Variants in RBFOX3 observed in about 807,000 individuals in gnomAD.
The protein encoded by RBFOX3 is RNA binding fox-1 homolog 3.
A neutral mutation model predicts 48.7 loss-of-function variants in RBFOX3; 17 were observed. The observed-to-expected ratio is 0.35, with a 90% CI of 0.24 to 0.52. The LOEUF is 0.52. Ranked by LOEUF, RBFOX3 falls within the 20% of genes least tolerant of loss-of-function variation. The pLI is 0.94. For missense variants in RBFOX3, 382 were observed against 497.5 expected (o/e 0.77, Z 2.21); for synonymous variants, 212 against 209.5 (o/e 1.01, Z -0.10).
chr17:79,553,634 T>C (rs1235838749), intron 1 of RBFOX3, among the ~76,000 whole-genome samples: 1 of 152,198 alleles, frequency 6.6e-6, no homozygotes, highest in Non-Finnish European at 1.5e-5. Flanking sequence ...CTTTCTATCT[T>C]CCATACAAAT....
the RBFOX3 span, among the ~76,000 whole-genome samples, chr17:79,644,716 C>A: frequency 6.6e-6 from 1 of 152,126 alleles, no homozygotes; most frequent in African/African-American, 2.4e-5. Context: ...TTAAATATCT[C>A]AGGAAGAAAT....
chr17:79,471,615 C>G lies in RBFOX3; in HGVS notation c.-175+10839G>C, dbSNP rs1265746329. Reference sequence around the variant, plus strand: ...CATAAACAAGGAAGGCGCACACACACCTGTCACCTCTCCGTGGACTGCAGT... The same window carrying G: ...CATAAACAAGGAAGGCGCACACACAGCTGTCACCTCTCCGTGGACTGCAGT... On this transcript the variant is annotated intron_variant, in intron 2 of 14. Coordinates refer to ENST00000693108, the MANE Select transcript of RBFOX3 (RefSeq NM_001350451.2). The surrounding 1 kb of genome is among the most constrained non-coding windows in gnomAD (Gnocchi z 4.0). Among the ~76,000 whole-genome samples, 1 of 152,188 alleles carries G rather than the reference C, an allele frequency of 6.6e-6. No individual in the cohort carries two copies. Among genetic ancestry groups the G allele is most frequent in the Admixed American group, 6.5e-5 (1 of 15,284 alleles).
intron 1 of RBFOX3, among the ~76,000 whole-genome samples, chr17:79,527,958 G>A (rs966025171): frequency 1.3e-5 from 2 of 152,174 alleles, no homozygotes; most frequent in Non-Finnish European, 2.9e-5. Context: ...GGCTTGCTGT[G>A]GATTGAATTG....
intron 1 of RBFOX3, among the ~76,000 whole-genome samples, chr17:79,594,115 A>G (rs1443379909): frequency 2.6e-5 from 4 of 152,106 alleles, no homozygotes; most frequent in African/African-American, 9.7e-5. Context: ...ACATTGATTA[A>G]GCGCCTACTC....
chr17:79,558,838 C>A (rs2091971973), intron 1 of RBFOX3, among the ~76,000 whole-genome samples: 1 of 152,076 alleles, frequency 6.6e-6, no homozygotes, highest in South Asian at 2.1e-4. Flanking sequence ...GGGGGGTGTG[C>A]CAGGGGATGC....
chr17:79,507,661 A>C (rs2083368979), intron 1 of RBFOX3, among the ~76,000 whole-genome samples: 1 of 152,186 alleles, frequency 6.6e-6, no homozygotes, highest in East Asian at 1.9e-4. Context: ...TGCCACTCAG[A>C]GACATTGGCC....
intron 6 of RBFOX3, among the ~76,000 whole-genome samples, chr17:79,105,924 C>G (rs533111561): frequency 4.7e-4 from 72 of 152,316 alleles, no homozygotes; most frequent in African/African-American, 1.6e-3. Context: ...GCAGCCCCAG[C>G]CCCCTGCAGG....
At chr17:79,104,154 G>A in intron 6 of RBFOX3, 28 bp from the exon 7 acceptor site, 3 of 1,541,434 alleles carry the variant, frequency 1.9e-6, no homozygotes, top group Non-Finnish European at 2.6e-6. Flanking sequence ...AAGAGGGAGT[G>A]GGGCAGACAG....
At chr17:79,461,471 C>A (rs4638621) in intron 2 of RBFOX3, among the ~76,000 whole-genome samples, 2 of 152,202 alleles carry the variant, frequency 1.3e-5, no homozygotes, top group African/African-American at 2.4e-5. Context: ...TGAACTCCAA[C>A]AGCATTTGTA....
chr17:79,183,872 T>TCGCGCCCTCCCA (rs1215462984), intron 4 of RBFOX3, among the ~76,000 whole-genome samples: 32 of 151,922 alleles, frequency 2.1e-4, no homozygotes, highest in Admixed American at 2.0e-3. Flanking sequence ...CAGCCCTCCC[T>TCGCGCCCTCCCA]CGCGCCCTCC....
chr17:79,621,242 G>A, the RBFOX3 span, among the ~76,000 whole-genome samples: 5 of 151,920 alleles, frequency 3.3e-5, no homozygotes, highest in South Asian at 2.1e-4. Flanking sequence ...CAGGTGATCC[G>A]CCCGCCTCGG....
intron 2 of RBFOX3, among the ~76,000 whole-genome samples, chr17:79,315,943 C>A (rs965257396): frequency 6.6e-6 from 1 of 152,084 alleles, no homozygotes; most frequent in Non-Finnish European, 1.5e-5. Flanking sequence ...ATTCACTCCG[C>A]AAGGGGTGGG....
chr17:79,506,673 C>T (rs1166327831), intron 1 of RBFOX3, among the ~76,000 whole-genome samples: 1 of 152,204 alleles, frequency 6.6e-6, no homozygotes, highest in Non-Finnish European at 1.5e-5. Context: ...GCGGGCCAGC[C>T]CCTTCACCCT....
chr17:79,549,808 G>A (rs1192400854), intron 1 of RBFOX3, among the ~76,000 whole-genome samples: 1 of 152,236 alleles, frequency 6.6e-6, no homozygotes, highest in African/African-American at 2.4e-5. Context: ...ACAGGCCTCA[G>A]CCTGGTCAGA....
intron 4 of RBFOX3, among the ~76,000 whole-genome samples, chr17:79,173,118 G>A (rs891949369): frequency 2.6e-5 from 4 of 151,994 alleles, no homozygotes; most frequent in Admixed American, 2.0e-4. Context: ...GCTGAGGCAC[G>A]AGAATCGCTT....
chr17:79,094,601 TC>T, intron 13 of RBFOX3, 72 bp from the exon 14 acceptor site: 2 of 898,902 alleles, frequency 2.2e-6, no homozygotes, highest in South Asian at 2.1e-5. Context: ...AGCAACGGCC[TC>T]CCACCTCCTC....
chr17:79,352,826 C>T (rs930152461), intron 2 of RBFOX3, among the ~76,000 whole-genome samples: 6 of 152,244 alleles, frequency 3.9e-5, no homozygotes, highest in Non-Finnish European at 8.8e-5. Context: ...GCCTCACAGG[C>T]TCTGCAGCCC....
At chr17:79,486,919 G>A (rs2079691096) in intron 1 of RBFOX3, among the ~76,000 whole-genome samples, 1 of 152,208 alleles carries the variant, frequency 6.6e-6, no homozygotes, top group Admixed American at 6.5e-5. Flanking sequence ...ACGAGACTGG[G>A]GCAGCCCCTG....
rs528885166 is a variant in RBFOX3 at position 79,090,647 on chromosome 17, C to T, written c.*236G>A. On this transcript the variant is annotated 3_prime_UTR_variant, in exon 15 of 15. Coordinates refer to ENST00000693108, the MANE Select transcript of RBFOX3 (RefSeq NM_001350451.2). ...GTTCCCACTGTGCTGCCAGCCAGGACGCGGTGGGGCCGTCCTGTCCTGGGG... is the reference window on the plus strand; with the variant it reads ...GTTCCCACTGTGCTGCCAGCCAGGATGCGGTGGGGCCGTCCTGTCCTGGGG... 8.5e-4 allele frequency: 444 copies of T among 525,324 alleles called. 2 individuals carry two copies. Among genetic ancestry groups the T allele is most frequent in the African/African-American group, 6.6e-3 (342 of 51,442 alleles). 32.5% of individuals were successfully genotyped at this position (525,324 alleles called of 1,614,324 possible).
Sources: allele counts gnomAD v4.1 joint callset (sites outside exome capture counted in the v4.1 genomes callset), GRCh38; gene constraint gnomAD v4.1.1; non-coding constraint Gnocchi (gnomAD v3.1); transcripts MANE v1.5; gene names NCBI Gene and HGNC (gene_info 2026-07-23, HGNC 2026-07-21).